Variants in PRDM11 observed in about 807,000 individuals in gnomAD.
PRDM11 encodes the protein PR/SET domain 11.
In PRDM11, 20 loss-of-function variants were observed where a neutral mutation model predicts 97.8. The ratio of observed to expected loss-of-function variants is 0.20; its 90% CI spans 0.14 to 0.30. The LOEUF is 0.30. Among genes scored for constraint, PRDM11 ranks in the 10% least tolerant of loss-of-function variants. The pLI is 1.00. For missense variants in PRDM11, 1,139 were observed against 1,555.2 expected, an observed-to-expected ratio of 0.73 and a Z score of 4.50; for synonymous variants, 599 against 637.7, an observed-to-expected ratio of 0.94 and a Z score of 0.91.
In PRDM11 at chr11:45,219,492, C is replaced by T. The variant is rs1854050668; in HGVS notation, c.555-78C>T. Reference sequence around the variant, plus strand: ...GTGGACTTCTAACCATCCACACTTGCCCAGCACTGTGCCGGCACCAGCGGG... The same window carrying T: ...GTGGACTTCTAACCATCCACACTTGTCCAGCACTGTGCCGGCACCAGCGGG... On this transcript the variant is annotated intron_variant, in intron 5 of 7. Coordinates refer to ENST00000683152, the MANE Select transcript of PRDM11 (RefSeq NM_001384648.1). The surrounding 1 kb of genome is among the most constrained non-coding windows in gnomAD (Gnocchi z 4.2). 1 of 1,394,420 alleles carries T rather than the reference C, an allele frequency of 7.2e-7. No individual in the cohort carries two copies. The highest frequency in any genetic ancestry group is 1.4e-5 in the African/African-American group (1 of 70,260). The allele number at this position is 1,394,420 out of a possible 1,614,324, so 86.4% of individuals were successfully genotyped here.
chr11:45,169,844 T>C (rs1686299425), intron 1 of PRDM11, among the ~76,000 whole-genome samples: 1 of 152,254 alleles, frequency 6.6e-6, no homozygotes. Flanking sequence ...TTCCTAACTT[T>C]GGTTTTGTTT....
intron 4 of PRDM11, among the ~76,000 whole-genome samples, chr11:45,190,893 G>C (rs574305204): frequency 6.6e-6 from 1 of 152,228 alleles, no homozygotes; most frequent in East Asian, 1.9e-4. Context: ...TTGACCTACA[G>C]CCATAGTTGG....
At chr11:45,149,994 A>G (rs1361618707) in intron 1 of PRDM11, among the ~76,000 whole-genome samples, 1 of 152,200 alleles carries the variant, frequency 6.6e-6, no homozygotes, top group Non-Finnish European at 1.5e-5. Flanking sequence ...CGACATGCAT[A>G]TCTGAGCTTA....
chr11:45,221,708 G>T (rs1416858287), intron 6 of PRDM11, among the ~76,000 whole-genome samples: 1 of 152,142 alleles, frequency 6.6e-6, no homozygotes, highest in Non-Finnish European at 1.5e-5. Flanking sequence ...TGAAGATACA[G>T]GAGGGAAGAG....
chr11:45,181,294 C>A (rs1852490739), intron 1 of PRDM11, among the ~76,000 whole-genome samples: 1 of 152,184 alleles, frequency 6.6e-6, no homozygotes, highest in African/African-American at 2.4e-5. Flanking sequence ...CCTGGCTGCG[C>A]TCCCGGCAGT....
In PRDM11 at chr11:45,228,262, ATATT is replaced by A; in HGVS notation, c.*104_*107del. The A allele has an allele frequency of 4.9e-6, 1 of 204,272 alleles. No homozygotes were observed. Among genetic ancestry groups the A allele is most frequent in the East Asian group, 1.1e-4 (1 of 8,902 alleles). The allele number at this position is 204,272 out of a possible 1,614,324, so 12.7% of individuals were successfully genotyped here. Reference sequence around the variant, plus strand: ...AATATATATTATATTATATTATATTATATTATATATATATATATATATAAACTCA... The same window carrying A: ...AATATATATTATATTATATTATATTAATATATATATATATATATAAACTCA... On this transcript the variant is annotated 3_prime_UTR_variant, in exon 8 of 8. Transcript: ENST00000683152.
chr11:45,184,691 G>T (rs1399336209), intron 4 of PRDM11, among the ~76,000 whole-genome samples: 1 of 152,134 alleles, frequency 6.6e-6, no homozygotes, highest in African/African-American at 2.4e-5. Context: ...GAAAAATCAT[G>T]ATTTGGGTTT....
At chr11:45,127,387 G>A (rs925443692) in intron 1 of PRDM11, among the ~76,000 whole-genome samples, 10 of 151,176 alleles carry the variant, frequency 6.6e-5, no homozygotes, top group African/African-American at 2.2e-4. Context: ...GAGGAGCTGC[G>A]TTCCTTTGGA....
rs747244319 is a variant in PRDM11, at chr11:45,219,551, T to C, written c.555-19T>C. 1.2e-6 allele frequency: 2 copies of C among 1,607,366 alleles called. No homozygotes were observed. ...AAAGGGTGGCCCGTGCGTTCTCACCTGTCTCCCCTCCCCACCAGGTACGTG... is the reference window on the plus strand; with the variant it reads ...AAAGGGTGGCCCGTGCGTTCTCACCCGTCTCCCCTCCCCACCAGGTACGTG... On this transcript the variant is annotated intron_variant, in intron 5 of 7. Transcript: ENST00000683152. This position sits in a 1 kb window ranked among gnomAD's most constrained non-coding sequence, Gnocchi z 4.2.
rs965279333 is a variant in PRDM11 at position 45,234,183 on chromosome 11, G to A, written c.*6024G>A. 6 of 152,318 alleles carry A rather than the reference G, an allele frequency of 3.9e-5. No homozygotes were observed. Among genetic ancestry groups the A allele is most frequent in the African/African-American group, 1.4e-4 (6 of 41,462 alleles). The allele number at this position is 152,318 out of a possible 1,614,324, so 9.4% of individuals were successfully genotyped here. A position where few individuals can be genotyped will look rare whatever the true frequency, so the allele number is the denominator to read the frequency against. On this transcript the variant is annotated 3_prime_UTR_variant, in exon 8 of 8. Coordinates refer to ENST00000683152, the MANE Select transcript of PRDM11 (RefSeq NM_001384648.1). ...TGTGCAGCCCTGACGGGACCCAGAA[G>A]CCCATTTGCTCGCAGTTTCCTCTCT...
chr11:45,094,728 GAGGGAGGGAAGGAGGGAAGGAATGAAGAA>G, upstream of PRDM11, among the ~76,000 whole-genome samples: 1 of 67,202 alleles, frequency 1.5e-5, no homozygotes, highest in Non-Finnish European at 3.0e-5. Flanking sequence ...AAGACGGAAG[GAGGGAGGGAAGGAGGGAAGGAATGAAGAA>G]AGGGAGGGAA....
intron 5 of PRDM11, chr11:45,216,347 A>G (rs1853956742): frequency 6.6e-6 from 1 of 152,280 alleles, no homozygotes; most frequent in South Asian, 2.1e-4. Context: ...GCCACAGTGG[A>G]TAGATTTTGC....
At chr11:45,213,939 C>G in intron 5 of PRDM11, 1 of 349,756 alleles carries the variant, frequency 2.9e-6, no homozygotes, top group Admixed American at 3.8e-5. Flanking sequence ...GCCTCTGCCC[C>G]CTGTATCTCT....
At chr11:45,144,273 G>T (rs1326899632), upstream of PRDM11, among the ~76,000 whole-genome samples, 1 of 152,160 alleles carries the variant, frequency 6.6e-6, no homozygotes, top group Non-Finnish European at 1.5e-5. Flanking sequence ...CAGGCGACAG[G>T]TTGGGACTCA....
At chr11:45,209,764 CA>C (rs1024538380) in intron 5 of PRDM11, among the ~76,000 whole-genome samples, 2 of 152,250 alleles carry the variant, frequency 1.3e-5, no homozygotes, top group Non-Finnish European at 2.9e-5. Flanking sequence ...GTTTTTGAGC[CA>C]GGGGCCCCAC....
chr11:45,205,065 C>G (rs1853459931), intron 5 of PRDM11, among the ~76,000 whole-genome samples: 2 of 151,986 alleles, frequency 1.3e-5, no homozygotes, highest in African/African-American at 4.8e-5. Context: ...GGCAGCATTC[C>G]TAGGGAGGAG....
chr11:45,204,091 G>A (rs1853424097), intron 4 of PRDM11, among the ~76,000 whole-genome samples: 2 of 152,218 alleles, frequency 1.3e-5, no homozygotes, highest in Non-Finnish European at 2.9e-5. Flanking sequence ...TGCGCCGATG[G>A]CAGTCTTTTT....
In PRDM11 at chr11:45,204,735, A is replaced by G; in HGVS notation, c.511A>G (p.Lys171Glu). ...WLIVDKNNRY[K>E]SIDGSDETKA... ...GATTGTGGACAAGAACAACCGCTAT[A>G]AGTCCATAGATGGCTCAGACGAGAC... Residue 171 changes from lysine to glutamate, a missense_variant, in exon 5 of 8, where the codon AAG becomes GAG. Physicochemically the swap from Lys to Glu is moderately conservative, Grantham distance 56. Transcript: ENST00000683152. The G allele has an allele frequency of 6.2e-7, 1 of 1,612,926 alleles. No homozygotes were observed. Among genetic ancestry groups the G allele is most frequent in the African/African-American group, 1.3e-5 (1 of 74,994 alleles).
intron 1 of PRDM11, among the ~76,000 whole-genome samples, chr11:45,173,691 C>A (rs925971009): frequency 6.6e-5 from 10 of 151,908 alleles, no homozygotes; most frequent in Admixed American, 3.3e-4. Context: ...CCAGCCCTGG[C>A]CAGCTATACC....
Sources: allele counts gnomAD v4.1 joint callset (sites outside exome capture counted in the v4.1 genomes callset), GRCh38; gene constraint gnomAD v4.1.1; non-coding constraint Gnocchi (gnomAD v3.1); transcripts MANE v1.5; gene names NCBI Gene and HGNC (gene_info 2026-07-23, HGNC 2026-07-21).